Variants in FCHO1 observed in about 807,000 individuals in gnomAD.
The protein encoded by FCHO1 is FCH and mu domain containing endocytic adaptor 1.
In FCHO1, 45 loss-of-function variants were observed where a neutral mutation model predicts 114.4. The ratio of observed to expected loss-of-function variants is 0.39; its 90% CI spans 0.31 to 0.50. The LOEUF (loss-of-function observed/expected upper bound fraction) is 0.50. Ranked by LOEUF, FCHO1 falls within the 20% of genes least tolerant of loss-of-function variation. FCHO1 has a pLI of 0.77. For synonymous variants in FCHO1, 480 were observed against 488.9 expected, an observed-to-expected ratio of 0.98 and a Z score of 0.24; for missense variants, 1,042 against 1,209.6, an observed-to-expected ratio of 0.86 and a Z score of 2.06.
Position 17,775,936 on chromosome 19 carries a change from G to A in FCHO1, c.1004-47G>A, listed in dbSNP as rs779466769. 1.8e-5 allele frequency: 28 copies of A among 1,589,176 alleles called. No homozygotes were observed. The South Asian group carries it at 2.9e-4, about 16-fold the overall frequency. ...CGAGGCTGGATTGGAGAGCTGACTG[G>A]GGGAAAGCTTGTGTTGGGATTGGCT... On this transcript the variant is annotated intron_variant, in intron 15 of 28. Coordinates refer to ENST00000596536, the MANE Select transcript of FCHO1 (RefSeq NM_015122.3). This position sits in a 1 kb window ranked among gnomAD's most constrained non-coding sequence, Gnocchi z 5.1.
intron 13 of FCHO1, chr19:17,774,731 T>C: frequency 3.4e-6 from 2 of 588,600 alleles, no homozygotes; most frequent in Non-Finnish European, 6.1e-6. Context: ...CAGAGTAACG[T>C]AGCATCTTCC....
rs560331905 is a variant in FCHO1 at position 17,780,208 on chromosome 19, G to A, written c.1628-1023G>A. ...AGAGGGAGTTTTGCTCTTGTTGCCCGGGCTGGAGTGCAGTGGTGTGATCTT... is the reference window on the plus strand; with the variant it reads ...AGAGGGAGTTTTGCTCTTGTTGCCCAGGCTGGAGTGCAGTGGTGTGATCTT... On this transcript the variant is annotated intron_variant, in intron 20 of 28. Coordinates refer to ENST00000596536, the MANE Select transcript of FCHO1 (RefSeq NM_015122.3). Among the ~76,000 whole-genome samples the A allele has an allele frequency of 2.1e-3, 271 of 128,712 alleles. 3 individuals are homozygous for A. The Middle Eastern group carries it at 0.027, about 13-fold the overall frequency. The allele number at this position is 128,712 out of a possible 152,430, so 84.4% of individuals were successfully genotyped here.
chr19:17,751,132 G>T (rs1045454187), upstream of FCHO1, among the ~76,000 whole-genome samples: 1 of 152,056 alleles, frequency 6.6e-6, no homozygotes, highest in Non-Finnish European at 1.5e-5. This position sits in a 1 kb window ranked among gnomAD's most constrained non-coding sequence, Gnocchi z 4.4. Context: ...GAGCCACCGC[G>T]CCTGGCCATG....
chr19:17,766,661 G>C lies in FCHO1; in HGVS notation c.195-8G>C, dbSNP rs750849014. The C allele has an allele frequency of 6.2e-7, 1 of 1,613,732 alleles. No individual in the cohort carries two copies. The highest frequency in any genetic ancestry group is 1.1e-5 in the South Asian group (1 of 91,062). On this transcript the variant is annotated splice_region_variant and splice_polypyrimidine_tract_variant and intron_variant, in intron 6 of 28. Coordinates refer to ENST00000596536, the MANE Select transcript of FCHO1 (RefSeq NM_015122.3). ...ATGAACCCTGGGTGTGACCTTGCCC[G>C]CCCCCAGGACCTTCGCCCCGCTCTG...
chr19:17,754,143 G>A (rs1312937815), intron 1 of FCHO1, 174 bp from the exon 2 acceptor site: 1 of 152,216 alleles, frequency 6.6e-6, no homozygotes, highest in East Asian at 1.9e-4. Context: ...GCTGCCTGTG[G>A]GGTCATGAAT....
At chr19:17,772,403 C>T in intron 9 of FCHO1, 54 bp from the exon 10 acceptor site, 1 of 1,352,788 alleles carries the variant, frequency 7.4e-7, no homozygotes, top group Non-Finnish European at 1.1e-6. Flanking sequence ...GTCATATGGC[C>T]ACTTCTTCTT....
In FCHO1 at chr19:17,775,923, G is replaced by A. The variant is rs1484138239; in HGVS notation, c.1004-60G>A. On this transcript the variant is annotated intron_variant, in intron 15 of 28. Transcript: ENST00000596536. This position sits in a 1 kb window ranked among gnomAD's most constrained non-coding sequence, Gnocchi z 5.1. ...GAGCAGGGAGGGACGAGGCTGGATT[G>A]GAGAGCTGACTGGGGGAAAGCTTGT... is the stretch of plus-strand genomic sequence containing the variant. 2.5e-6 allele frequency: 4 copies of A among 1,575,736 alleles called. No homozygotes were observed. The highest frequency in any genetic ancestry group is 3.4e-6 in the Non-Finnish European group (4 of 1,163,238).
In FCHO1 at chr19:17,774,410, G is replaced by A; in HGVS notation, c.852G>A (p.Arg284=). 1.9e-6 allele frequency: 3 copies of A among 1,613,978 alleles called. No individual in the cohort carries two copies. The highest frequency in any genetic ancestry group is 2.5e-6 in the Non-Finnish European group (3 of 1,180,000). ...AALQEAMKRL[R]GAKAFRLPGL... ...TATCCTCAGCGATGAAACGTTTGCG[G>A]GGAGCCAAGGCCTTTCGCCTTCCAG... The change falls in exon 13 of 29, where the codon CGG becomes CGA. Residue 284 remains arginine, a synonymous_variant. Coordinates refer to ENST00000596536, the MANE Select transcript of FCHO1 (RefSeq NM_015122.3).
chr19:17,770,821 G>A lies in FCHO1; in HGVS notation c.519G>A (p.Glu173=). Residue 173 remains glutamate (E), a synonymous_variant, in exon 9 of 29, where the codon GAG becomes GAA. Transcript: ENST00000596536. ...KAETKTKKAA[E]SLRRSVEKYN... ...AGACTAAAACCAAGAAGGCGGCAGA[G>A]AGCCTGCGGCGCTCAGTGGAAAAAT... is the stretch of plus-strand genomic sequence containing the variant. 6.2e-7 allele frequency: 1 copy of A among 1,614,152 alleles called. No homozygotes were observed. Among genetic ancestry groups the A allele is most frequent in the Non-Finnish European group, 8.5e-7 (1 of 1,180,052 alleles).
At chr19:17,787,223 CAAAAAAAAAAAAAAA>C (rs61302593) in intron 27 of FCHO1, among the ~76,000 whole-genome samples, 6 of 39,836 alleles carry the variant, frequency 1.5e-4, no homozygotes, top group Middle Eastern at 0.036. Flanking sequence ...GACTCTGTCT[CAAAAAAAAAAAAAAA>C]AAAAAAAAAA....
In FCHO1 at chr19:17,775,209, G is replaced by A; in HGVS notation, c.945+129G>A. On this transcript the variant is annotated intron_variant, in intron 14 of 28. Transcript: ENST00000596536. This position sits in a 1 kb window ranked among gnomAD's most constrained non-coding sequence, Gnocchi z 5.1. ...ATTGAGGGGCGGGCTGGAGCCTGGG[G>A]GCTGGGTTCATATCCCACCTCAGCT... is the stretch of plus-strand genomic sequence containing the variant. 9.0e-7 allele frequency: 1 copy of A among 1,106,928 alleles called. No homozygotes were observed. The highest frequency in any genetic ancestry group is 1.3e-6 in the Non-Finnish European group (1 of 763,248). 68.6% of individuals were successfully genotyped at this position (1,106,928 alleles called of 1,614,324 possible). A position where few individuals can be genotyped will look rare whatever the true frequency, so the allele number is the denominator to read the frequency against.
Position 17,781,498 on chromosome 19 carries a change from C to G in FCHO1, c.1787C>G (p.Thr596Ser). The stretch of plus-strand genomic sequence containing the variant: ...CCACTGGGCTCTTCAGCCGCCAGCA[C>G]TGCCTTGGAACGGCCCAGCTTCTTA... The part of the protein sequence containing the change: ...PSPLGSSAAS[T>S]ALERPSFLSQ... The change falls in exon 22 of 29, where the codon ACT becomes AGT. Residue 596 changes from threonine (T) to serine (S), a missense_variant. Physicochemically the swap from Thr to Ser is moderately conservative, Grantham distance 58. This residue lies in a region of FCHO1 where 455 missense variants were observed against 455.4 expected (regional missense o/e 1.00). Transcript: ENST00000596536. The G allele has an allele frequency of 3.1e-6, 5 of 1,614,112 alleles. No individual in the cohort carries two copies. Among genetic ancestry groups the G allele is most frequent in the Non-Finnish European group, 4.2e-6 (5 of 1,180,016 alleles).
rs2092567557 is a variant in FCHO1, at chr19:17,775,884, A to G, written c.1004-99A>G. ...GTGGTGAGCGATGGGATTGGGCAGG[A>G]CCTCGAAGGGTTTGAGCAGGGAGGG... On this transcript the variant is annotated intron_variant, in intron 15 of 28. Coordinates refer to ENST00000596536, the MANE Select transcript of FCHO1 (RefSeq NM_015122.3). This position sits in a 1 kb window ranked among gnomAD's most constrained non-coding sequence, Gnocchi z 5.1. The G allele has an allele frequency of 7.0e-7, 1 of 1,419,098 alleles. No homozygotes were observed. 87.9% of individuals were successfully genotyped at this position (1,419,098 alleles called of 1,614,324 possible).
chr19:17,783,242 C>T (rs2093586397), intron 24 of FCHO1, 70 bp downstream of exon 24: 2 of 1,485,528 alleles, frequency 1.3e-6, no homozygotes, highest in Non-Finnish European at 9.1e-7. Flanking sequence ...CTCTGAGTTC[C>T]CTCTCTGCTT....
At chr19:17,747,986 T>C (rs550723343), upstream of FCHO1, among the ~76,000 whole-genome samples, 1 of 152,114 alleles carries the variant, frequency 6.6e-6, no homozygotes, top group South Asian at 2.1e-4. Flanking sequence ...CCCCTCCAAG[T>C]GGTAATTGGG....
Position 17,781,490 on chromosome 19 carries a change from C to T in FCHO1, c.1779C>T (p.Ala593=), listed in dbSNP as rs143634951. The change falls in exon 22 of 29, where the codon GCC becomes GCT. Residue 593 remains alanine, a synonymous_variant. Coordinates refer to ENST00000596536, the MANE Select transcript of FCHO1 (RefSeq NM_015122.3). Reference sequence around the variant, plus strand: ...GCCCCTCCCCACTGGGCTCTTCAGCCGCCAGCACTGCCTTGGAACGGCCCA... The same window carrying T: ...GCCCCTCCCCACTGGGCTCTTCAGCTGCCAGCACTGCCTTGGAACGGCCCA... ...SLSPSPLGSS[A]ASTALERPSF... 75 of 1,613,950 alleles carry T rather than the reference C, an allele frequency of 4.6e-5. No homozygotes were observed. In the African/African-American group the frequency reaches 4.8e-4, roughly 10 times the overall value.
At position 17,775,117 on chromosome 19, in the gene FCHO1, T is replaced by C. The variant is rs772344096; in HGVS notation, c.945+37T>C. 6.2e-7 allele frequency: 1 copy of C among 1,600,890 alleles called. No homozygotes were observed. The highest frequency in any genetic ancestry group is 1.1e-5 in the South Asian group (1 of 89,852). On this transcript the variant is annotated intron_variant, in intron 14 of 28. Coordinates refer to ENST00000596536, the MANE Select transcript of FCHO1 (RefSeq NM_015122.3). The surrounding 1 kb of genome is among the most constrained non-coding windows in gnomAD (Gnocchi z 5.1). ...GGGAGGGGTCAGGCTGGGCTACAAG[T>C]GGAAGGAGTTTGATCCCACTCTTGG... is the stretch of plus-strand genomic sequence containing the variant.
chr19:17,765,212 C>T (rs920872326), intron 6 of FCHO1, among the ~76,000 whole-genome samples: 1 of 152,080 alleles, frequency 6.6e-6, no homozygotes, highest in African/African-American at 2.4e-5. Flanking sequence ...GACAGAGACC[C>T]GGGCAAGTGG....
intron 4 of FCHO1, among the ~76,000 whole-genome samples, chr19:17,755,965 C>A (rs1421562020): frequency 3.3e-5 from 5 of 152,188 alleles, no homozygotes; most frequent in African/African-American, 9.7e-5. Context: ...AACAGGGACT[C>A]CTCCTGCAGA....
Sources: allele counts gnomAD v4.1 joint callset (sites outside exome capture counted in the v4.1 genomes callset), GRCh38; gene constraint gnomAD v4.1.1; regional missense constraint gnomAD v4.1.1; non-coding constraint Gnocchi (gnomAD v3.1); transcripts MANE v1.5; gene names NCBI Gene and HGNC (gene_info 2026-07-23, HGNC 2026-07-21).